KAZN: variants seen among roughly 807,000 people sequenced by gnomAD.
The protein encoded by KAZN is kazrin.
KAZN carries 40 observed loss-of-function variants against 87.4 expected under a neutral mutation model. That is an observed-to-expected ratio of 0.46 (90% confidence interval 0.36 to 0.60). KAZN has a LOEUF of 0.60. Among genes scored for constraint, KAZN ranks in the 20% least tolerant of loss-of-function variants. KAZN has a pLI of 0.00. For synonymous variants in KAZN, 466 were observed against 458.3 expected (o/e 1.02, Z -0.22); for missense variants, 898 against 1,073.9 (o/e 0.84, Z 2.29).
intron 2 of KAZN, among the ~76,000 whole-genome samples, chr1:14,526,505 G>A (rs1671872478): frequency 6.6e-6 from 1 of 152,304 alleles, no homozygotes. Flanking sequence ...TAGTAGCCAC[G>A]TAAGCTACAA....
intron 1 of KAZN, among the ~76,000 whole-genome samples, chr1:14,096,299 A>G (rs969956132): frequency 6.6e-6 from 1 of 152,238 alleles, no homozygotes; most frequent in Non-Finnish European, 1.5e-5. Flanking sequence ...ATAAAGGGTA[A>G]TAATTACTCT....
At chr1:15,036,630 G>A (rs983049440) in intron 3 of KAZN, among the ~76,000 whole-genome samples, 3 of 152,110 alleles carry the variant, frequency 2.0e-5, no homozygotes, top group Admixed American at 2.0e-4. Context: ...CGCTCCTTAG[G>A]GTGAGGCTGT....
rs910493604 is a variant in KAZN at position 15,021,893 on chromosome 1, G to A, written c.419-12856G>A. Among the ~76,000 whole-genome samples, 4 of 146,770 alleles carry A rather than the reference G, an allele frequency of 2.7e-5. No individual in the cohort carries two copies. Among genetic ancestry groups the A allele is most frequent in the East Asian group, 1.9e-4 (1 of 5,204 alleles). On this transcript the variant is annotated intron_variant, in intron 2 of 14. Transcript: ENST00000376030. The surrounding 1 kb of genome is among the most constrained non-coding windows in gnomAD (Gnocchi z 4.2). ...GACATTTACAAAGAAAAAGAGGTTG[G>A]GGAGGCCTCATAATCATGGCGGAAG...
intron 1 of KAZN, among the ~76,000 whole-genome samples, chr1:14,731,043 G>T (rs750991028): frequency 6.6e-6 from 1 of 152,118 alleles, no homozygotes; most frequent in Admixed American, 6.6e-5. Context: ...CCTTTGTGAT[G>T]TATTGTTACA....
chr1:14,906,188 TAATAATAATAATAATAA>T (rs1656559741), intron 1 of KAZN, among the ~76,000 whole-genome samples: 1 of 25,412 alleles, frequency 3.9e-5, no homozygotes. Flanking sequence ...ATAATAATAA[TAATAATAATAATAATAA>T]TAATAATAAT....
At chr1:14,450,152 A>G (rs1667193084) in intron 2 of KAZN, among the ~76,000 whole-genome samples, 1 of 152,068 alleles carries the variant, frequency 6.6e-6, no homozygotes, top group Admixed American at 6.5e-5. Flanking sequence ...TCTGCCTGTC[A>G]TCCAACCACA....
intron 1 of KAZN, among the ~76,000 whole-genome samples, chr1:14,605,677 T>C (rs1369010968): frequency 3.3e-5 from 5 of 152,016 alleles, no homozygotes; most frequent in African/African-American, 1.2e-4. Context: ...CATCTTCATG[T>C]TGAGGAGGAG....
intron 8 of KAZN, among the ~76,000 whole-genome samples, chr1:15,080,178 C>T (rs1009993420): frequency 6.6e-6 from 1 of 152,196 alleles, no homozygotes; most frequent in African/African-American, 2.4e-5. Flanking sequence ...GGAAAAAGCA[C>T]AAGTCTAGGC....
rs138502939 is a variant in KAZN at position 14,784,074 on chromosome 1, G to C, written c.227-176610G>C. Among the ~76,000 whole-genome samples the C allele has an allele frequency of 5.8e-3, 884 of 152,240 alleles. 10 individuals carry two copies. Among genetic ancestry groups the C allele is most frequent in the African/African-American group, 0.02 (837 of 41,546 alleles). Reference sequence around the variant, plus strand: ...AAGGCATTGGCTTAGGCGATGGTGGGGTTGGTGAGGCAGGTCTGGAACGCA... The same window carrying C: ...AAGGCATTGGCTTAGGCGATGGTGGCGTTGGTGAGGCAGGTCTGGAACGCA... On this transcript the variant is annotated intron_variant, in intron 1 of 14. Coordinates refer to ENST00000376030, the MANE Select transcript of KAZN (RefSeq NM_201628.3).
intron 1 of KAZN, among the ~76,000 whole-genome samples, chr1:14,615,060 A>T (rs1346261965): frequency 1.3e-5 from 2 of 152,264 alleles, no homozygotes; most frequent in Non-Finnish European, 2.9e-5. Flanking sequence ...ATTCCCCTGT[A>T]AATGTCGTTA....
intron 1 of KAZN, among the ~76,000 whole-genome samples, chr1:14,950,449 C>T (rs1001123085): frequency 4.6e-5 from 7 of 152,242 alleles, no homozygotes; most frequent in African/African-American, 1.7e-4. Context: ...AGAGGGTCAG[C>T]CCCACAGAGG....
At chr1:14,139,502 G>A (rs985553266) in intron 1 of KAZN, among the ~76,000 whole-genome samples, 1 of 152,148 alleles carries the variant, frequency 6.6e-6, no homozygotes, top group Non-Finnish European at 1.5e-5. Context: ...GCACGGCTAG[G>A]GAATTTTTGT....
At chr1:14,366,670 G>A (rs1275761716) in intron 2 of KAZN, among the ~76,000 whole-genome samples, 3 of 152,224 alleles carry the variant, frequency 2.0e-5, no homozygotes, top group African/African-American at 7.2e-5. Context: ...GCATTTAGAG[G>A]GGTGCCCACC....
chr1:15,082,423 G>A (rs1181027544), intron 8 of KAZN, among the ~76,000 whole-genome samples: 1 of 152,174 alleles, frequency 6.6e-6, no homozygotes, highest in Non-Finnish European at 1.5e-5. Flanking sequence ...CATCAAAAGA[G>A]GCTCAGAAGC....
At chr1:14,691,811 CATT>C (rs1391772267) in intron 1 of KAZN, among the ~76,000 whole-genome samples, 4 of 152,088 alleles carry the variant, frequency 2.6e-5, no homozygotes, top group Non-Finnish European at 5.9e-5. Flanking sequence ...CTTTAAACAT[CATT>C]GTTTCCTATC....
intron 2 of KAZN, among the ~76,000 whole-genome samples, chr1:14,514,917 T>C (rs1030984395): frequency 6.6e-6 from 1 of 152,122 alleles, no homozygotes; most frequent in African/African-American, 2.4e-5. Context: ...GCAAAGTCCG[T>C]GGCTCACAGT....
chr1:14,808,895 A>G (rs1203029784), intron 1 of KAZN, among the ~76,000 whole-genome samples: 1 of 152,184 alleles, frequency 6.6e-6, no homozygotes, highest in African/African-American at 2.4e-5. Flanking sequence ...ACACTGGAGA[A>G]GCCTTCCCTC....
At chr1:14,813,360 A>G (rs1268025957) in intron 1 of KAZN, among the ~76,000 whole-genome samples, 3 of 152,188 alleles carry the variant, frequency 2.0e-5, no homozygotes, top group Non-Finnish European at 2.9e-5. Flanking sequence ...ACTTCTTGGA[A>G]CGCAGCTGCC....
intron 2 of KAZN, among the ~76,000 whole-genome samples, chr1:14,588,556 T>C (rs888162699): frequency 4.6e-5 from 7 of 152,206 alleles, no homozygotes; most frequent in Non-Finnish European, 7.3e-5. Flanking sequence ...CTCCATCCTC[T>C]GAGTCTGTGC....
Sources: allele counts gnomAD v4.1 joint callset (sites outside exome capture counted in the v4.1 genomes callset), GRCh38; gene constraint gnomAD v4.1.1; non-coding constraint Gnocchi (gnomAD v3.1); transcripts MANE v1.5; gene names NCBI Gene and HGNC (gene_info 2026-07-23, HGNC 2026-07-21).